Variants in PASD1 observed in about 807,000 individuals in gnomAD.
The protein encoded by PASD1 is circadian clock protein PASD1.
Under a neutral mutation model 58.8 loss-of-function variants are expected in PASD1, and 13 were observed. The ratio of observed to expected loss-of-function variants is 0.22; its 90% CI spans 0.14 to 0.35. PASD1 has a LOEUF of 0.35. Among genes scored for constraint, PASD1 ranks in the 10% least tolerant of loss-of-function variants. The pLI is 1.00. For synonymous variants in PASD1, 236 were observed against 216.7 expected (o/e 1.09, Z -0.78); for missense variants, 734 against 568.3 (o/e 1.29, Z -2.96).
chrX:151,619,387 C>T (rs963585333), intron 4 of PASD1, among the ~76,000 whole-genome samples: 2 of 111,044 alleles, frequency 1.8e-5, no homozygotes, highest in African/African-American at 6.5e-5. Context: ...GGGCAAGAGA[C>T]GACTATCTGT....
At position 151,676,104 on chromosome X, in the gene PASD1, G is replaced by T; in HGVS notation, c.2283G>T (p.Leu761Phe). ...DQMRSAEQTR[L>F]MPAEQRDSNK... ...TGAGATCTGCGGAGCAGACCAGATT[G>T]ATGCCTGCAGAGCAACGTGACTCAA... is the stretch of plus-strand genomic sequence containing the variant. The change falls in exon 16 of 16, where the codon TTG becomes TTT. Residue 761 changes from leucine (L) to phenylalanine (F), a missense_variant. Physicochemically the swap from Leu to Phe is conservative, Grantham distance 22. Transcript: ENST00000370357. 8.3e-7 allele frequency: 1 copy of T among 1,210,452 alleles called. No individual in the cohort carries two copies. Among genetic ancestry groups the T allele is most frequent in the East Asian group, 3.0e-5 (1 of 33,777 alleles).
intron 1 of PASD1, among the ~76,000 whole-genome samples, chrX:151,565,805 G>A (rs1177645165): frequency 9.0e-6 from 1 of 111,465 alleles, no homozygotes; most frequent in Admixed American, 9.5e-5. Flanking sequence ...TGATCCGCCC[G>A]CCTTCGCCTC....
At position 151,672,316 on chromosome X, in the gene PASD1, A is replaced by G; in HGVS notation, c.1571A>G (p.Gln524Arg). The stretch of plus-strand genomic sequence containing the variant: ...CAGGAGAAGAAGAAGCTGCAGGAGC[A>G]GAAAATGCAGGAGAAGAAGAAGCTG... ...KMQEKKKLQE[Q>R]KMQEKKKLQE... Residue 524 changes from glutamine to arginine, a missense_variant, in exon 14 of 16, where the codon CAG (glutamine) becomes CGG (arginine). By Grantham distance (43) the Gln-to-Arg change is conservative. Coordinates refer to ENST00000370357, the MANE Select transcript of PASD1 (RefSeq NM_173493.3). The G allele has an allele frequency of 5.1e-6, 6 of 1,172,212 alleles. No homozygotes were observed. Among genetic ancestry groups the G allele is most frequent in the South Asian group, 3.8e-5 (2 of 53,098 alleles).
intron 1 of PASD1, among the ~76,000 whole-genome samples, chrX:151,576,003 A>G (rs1022356691): frequency 1.9e-5 from 2 of 102,829 alleles, no homozygotes; most frequent in Non-Finnish European, 4.0e-5. Context: ...AGCTGGGATT[A>G]CAGGCACCTG....
intron 3 of PASD1, among the ~76,000 whole-genome samples, 189 bp downstream of exon 3, chrX:151,604,923 C>A (rs181564958): frequency 8.4e-4 from 94 of 112,049 alleles, no homozygotes; most frequent in African/African-American, 2.7e-3. Context: ...TTCTCTCAAG[C>A]TCCCTGGATG....
chrX:151,675,436 G>A (rs754033729), intron 15 of PASD1, among the ~76,000 whole-genome samples: 2 of 111,682 alleles, frequency 1.8e-5, no homozygotes, highest in Admixed American at 9.4e-5. Flanking sequence ...TGTCTTCTCC[G>A]CCCCCTTGGG....
chrX:151,661,911 G>C (rs748910718), intron 10 of PASD1, among the ~76,000 whole-genome samples: 4 of 112,527 alleles, frequency 3.6e-5, no homozygotes, highest in Non-Finnish European at 7.5e-5. Context: ...GCCCTCCTTA[G>C]GGCATCATAT....
chrX:151,662,942 G>A (rs1383099900), intron 10 of PASD1, among the ~76,000 whole-genome samples: 1 of 111,553 alleles, frequency 9.0e-6, no homozygotes, highest in Non-Finnish European at 1.9e-5. Flanking sequence ...TCCTGCGTTA[G>A]CTTCTTTATT....
chrX:151,654,857 T>C (rs1356419658), intron 9 of PASD1, among the ~76,000 whole-genome samples: 2 of 110,902 alleles, frequency 1.8e-5, no homozygotes, highest in African/African-American at 6.6e-5. Context: ...TTTTTCTTTT[T>C]ATTATTATTA....
chrX:151,625,570 T>C (rs1348305477), intron 8 of PASD1, 40 bp downstream of exon 8: 4 of 1,031,416 alleles, frequency 3.9e-6, no homozygotes, highest in Non-Finnish European at 5.3e-6. Context: ...AGATCTAGAA[T>C]TCAATTTTAC....
chrX:151,640,353 G>A (rs2013982282), intron 8 of PASD1, among the ~76,000 whole-genome samples: 1 of 112,056 alleles, frequency 8.9e-6, no homozygotes, highest in African/African-American at 3.2e-5. Flanking sequence ...TCATAAAATA[G>A]TTTTTAGACT....
chrX:151,651,757 T>G (rs966802164), intron 9 of PASD1, among the ~76,000 whole-genome samples: 1 of 112,148 alleles, frequency 8.9e-6, no homozygotes, highest in African/African-American at 3.2e-5. Flanking sequence ...TACTGGGTGC[T>G]TAAGTCCCAC....
At chrX:151,662,258 T>A (rs1180504939) in intron 10 of PASD1, among the ~76,000 whole-genome samples, 2 of 111,406 alleles carry the variant, frequency 1.8e-5, no homozygotes, top group Non-Finnish European at 1.9e-5. Context: ...TCCATGGGCA[T>A]TTTTTTATTA....
At chrX:151,587,625 A>AG (rs2013186281) in intron 1 of PASD1, among the ~76,000 whole-genome samples, 1 of 111,242 alleles carries the variant, frequency 9.0e-6, no homozygotes, top group South Asian at 3.8e-4. Context: ...GGCTCAGGTC[A>AG]GGGTCTATGC....
At chrX:151,612,073 G>GT (rs1477819895) in intron 4 of PASD1, among the ~76,000 whole-genome samples, 2 of 97,673 alleles carry the variant, frequency 2.0e-5, no homozygotes, top group Non-Finnish European at 2.1e-5. Flanking sequence ...GCGGTGTTTG[G>GT]TTTTTTGTCC....
At chrX:151,590,728 G>A (rs758334392) in intron 1 of PASD1, among the ~76,000 whole-genome samples, 5 of 110,511 alleles carry the variant, frequency 4.5e-5, no homozygotes, top group South Asian at 4.0e-4. Flanking sequence ...CTACAGGTGC[G>A]CGCCATCATG....
At chrX:151,604,400 A>G (rs1229922674) in intron 2 of PASD1, among the ~76,000 whole-genome samples, 3 of 111,778 alleles carry the variant, frequency 2.7e-5, no homozygotes, top group Non-Finnish European at 3.8e-5. Flanking sequence ...ATTGTTGGAC[A>G]GGTCATAATG....
At chrX:151,603,016 T>C (rs193260635) in intron 2 of PASD1, among the ~76,000 whole-genome samples, 44 of 112,763 alleles carry the variant, frequency 3.9e-4, no homozygotes, top group African/African-American at 1.2e-3. Context: ...ACCTTCCTAA[T>C]ACCTTCCTAG....
intron 1 of PASD1, among the ~76,000 whole-genome samples, chrX:151,564,540 T>C (rs2012799315): frequency 9.1e-6 from 1 of 110,054 alleles, no homozygotes; most frequent in Non-Finnish European, 1.9e-5. Flanking sequence ...CCTTAGAAAA[T>C]GTGTTTTTTC....
Sources: gnomAD v4.1 joint callset for allele counts (sites outside exome capture counted in the v4.1 genomes callset) on GRCh38, gnomAD v4.1.1 for gene constraint, MANE v1.5 for transcripts, NCBI Gene and HGNC (gene_info 2026-07-23, HGNC 2026-07-21) for gene names.